Variants in SYN2 observed in about 807,000 individuals in gnomAD.
SYN2 encodes the protein synapsin II, also known as synapsin-2.
SYN2 carries 19 observed loss-of-function variants against 50.9 expected under a neutral mutation model. That is an observed-to-expected ratio of 0.37 (90% confidence interval 0.26 to 0.55). SYN2 has a LOEUF of 0.55. SYN2 is among the 20% of genes least tolerant of loss of function. SYN2 has a pLI of 0.81. For missense variants in SYN2, 587 were observed against 576.4 expected, an observed-to-expected ratio of 1.02 and a Z score of -0.19; for synonymous variants, 255 against 224.9, an observed-to-expected ratio of 1.13 and a Z score of -1.20.
chr3:12,184,724 C>T, intron 11 of SYN2: 1 of 985,910 alleles, frequency 1.0e-6, no homozygotes, highest in Admixed American at 6.1e-5. Context: ...TTCCCTCTGA[C>T]AAGCAGCACC....
At chr3:12,114,321 C>A (rs1340437777) in intron 1 of SYN2, among the ~76,000 whole-genome samples, 2 of 152,032 alleles carry the variant, frequency 1.3e-5, no homozygotes, top group South Asian at 4.1e-4. Context: ...GTTGTAAGGG[C>A]TGTTTATATA....
chr3:12,050,781 T>C (rs1185721763), intron 1 of SYN2, among the ~76,000 whole-genome samples: 1 of 127,698 alleles, frequency 7.8e-6, no homozygotes, highest in Non-Finnish European at 1.6e-5. Context: ...CAGGCCGGAC[T>C]GTGGACTGCA....
At chr3:12,163,473 G>T (rs1697707056) in intron 7 of SYN2, among the ~76,000 whole-genome samples, 1 of 147,984 alleles carries the variant, frequency 6.8e-6, no homozygotes. Flanking sequence ...CTGCACTCCT[G>T]TCCCATACCA....
chr3:12,088,327 C>A (rs1323230548), intron 1 of SYN2, among the ~76,000 whole-genome samples: 1 of 151,970 alleles, frequency 6.6e-6, no homozygotes, highest in Non-Finnish European at 1.5e-5. Context: ...TATCTCTAAT[C>A]ATCAGGGAAA....
chr3:12,011,400 G>C (rs1313155279), intron 1 of SYN2, among the ~76,000 whole-genome samples: 1 of 152,192 alleles, frequency 6.6e-6, no homozygotes, highest in African/African-American at 2.4e-5. Context: ...ACAGCAGGAA[G>C]ACGTAGTTTT....
intron 1 of SYN2, among the ~76,000 whole-genome samples, chr3:12,013,286 CT>C (rs2125131534): frequency 6.6e-6 from 1 of 152,294 alleles, no homozygotes; most frequent in South Asian, 2.1e-4. Flanking sequence ...TCTCTTCATA[CT>C]TGTTTTATCG....
chr3:12,100,738 TAGAC>T (rs775681426), intron 1 of SYN2, among the ~76,000 whole-genome samples: 1 of 152,046 alleles, frequency 6.6e-6, no homozygotes, highest in African/African-American at 2.4e-5. Flanking sequence ...ATGTAAATAG[TAGAC>T]AGAATATATA....
intron 10 of SYN2, among the ~76,000 whole-genome samples, chr3:12,170,507 G>A (rs576294311): frequency 6.6e-5 from 10 of 152,296 alleles, no homozygotes; most frequent in South Asian, 2.1e-4. Flanking sequence ...TTCCAGCTGC[G>A]GGTCTAGTGG....
intron 3 of SYN2, among the ~76,000 whole-genome samples, chr3:12,144,202 G>A (rs1697092751): frequency 2.0e-5 from 3 of 152,334 alleles, no homozygotes; most frequent in African/African-American, 7.2e-5. Flanking sequence ...GCTGGCTAGA[G>A]GGGAAACGCA....
intron 10 of SYN2, among the ~76,000 whole-genome samples, chr3:12,177,690 C>T (rs1698113255): frequency 6.6e-6 from 1 of 152,192 alleles, no homozygotes; most frequent in African/African-American, 2.4e-5. Context: ...GGGGCAGGTT[C>T]AGATAAAGCC....
At chr3:12,137,653 C>G (rs1159557953) in intron 1 of SYN2, among the ~76,000 whole-genome samples, 1 of 152,144 alleles carries the variant, frequency 6.6e-6, no homozygotes, top group East Asian at 1.9e-4. Context: ...AGAGGCCCAT[C>G]AATATGTGCT....
At chr3:12,145,175 G>A (rs1697119001) in intron 3 of SYN2, among the ~76,000 whole-genome samples, 1 of 152,190 alleles carries the variant, frequency 6.6e-6, no homozygotes, top group South Asian at 2.1e-4. Context: ...ACTGACGTAG[G>A]AGAATCACTT....
intron 1 of SYN2, among the ~76,000 whole-genome samples, chr3:12,136,301 A>C (rs1696891487): frequency 6.6e-6 from 1 of 152,258 alleles, no homozygotes; most frequent in Non-Finnish European, 1.5e-5. Context: ...CCTGTGAGCC[A>C]AACATTATTA....
intron 1 of SYN2, among the ~76,000 whole-genome samples, chr3:12,091,747 C>T (rs1057049909): frequency 6.6e-6 from 1 of 152,186 alleles, no homozygotes; most frequent in Non-Finnish European, 1.5e-5. Context: ...CAGTGGTCTA[C>T]CCCCTGTATT....
intron 5 of SYN2, chr3:12,157,041 T>G: frequency 1.3e-6 from 1 of 794,218 alleles, no homozygotes; most frequent in Non-Finnish European, 2.0e-6. Flanking sequence ...AGCAAAAGTC[T>G]AGTTGAGGAT....
At chr3:12,186,761 G>A (rs1000671250) in intron 11 of SYN2, among the ~76,000 whole-genome samples, 11 of 152,190 alleles carry the variant, frequency 7.2e-5, no homozygotes, top group Admixed American at 1.3e-4. Context: ...TGACCATCGA[G>A]GTGATCATAA....
chr3:12,166,374 A>G (rs916005506), intron 7 of SYN2, among the ~76,000 whole-genome samples: 6 of 152,240 alleles, frequency 3.9e-5, no homozygotes, highest in Non-Finnish European at 8.8e-5. Flanking sequence ...ACCTGTATCA[A>G]TTGGTCTTTC....
intron 1 of SYN2, among the ~76,000 whole-genome samples, chr3:12,063,963 A>G (rs1315999528): frequency 1.3e-5 from 2 of 150,888 alleles, no homozygotes; most frequent in Admixed American, 6.6e-5. Flanking sequence ...CCATCCTTTC[A>G]AAGAGTACAG....
At chr3:12,036,949 C>T (rs1694510847) in intron 1 of SYN2, among the ~76,000 whole-genome samples, 2 of 152,156 alleles carry the variant, frequency 1.3e-5, no homozygotes, top group Middle Eastern at 3.2e-3. Context: ...TTAGATGTTC[C>T]TCCTACCAGA....
Sources: gnomAD v4.1 joint callset for allele counts (sites outside exome capture counted in the v4.1 genomes callset) on GRCh38, gnomAD v4.1.1 for gene constraint, MANE v1.5 for transcripts, NCBI Gene and HGNC (gene_info 2026-07-23, HGNC 2026-07-21) for gene names.